The following PEBP4 variants were observed in gnomAD, a reference collection of about 807,000 sequenced individuals.
PEBP4 encodes phosphatidylethanolamine binding protein 4, also known as phosphatidylethanolamine-binding protein 4.
PEBP4 carries 22 observed loss-of-function variants against 23.9 expected under a neutral mutation model. That is an observed-to-expected ratio of 0.92 (90% CI 0.66 to 1.31). The LOEUF (loss-of-function observed/expected upper bound fraction) is 1.31. Among genes scored for constraint, PEBP4 ranks in the 40% most tolerant of loss-of-function variants. PEBP4 has a pLI of 0.00. For synonymous variants in PEBP4, 112 were observed against 99.3 expected (o/e 1.13, Z -0.76); for missense variants, 324 against 281.7 (o/e 1.15, Z -1.07).
chr8:22,849,728 T>C (rs556787577), intron 3 of PEBP4, among the ~76,000 whole-genome samples: 1 of 152,210 alleles, frequency 6.6e-6, no homozygotes, highest in Non-Finnish European at 1.5e-5. Context: ...TTACTACAAC[T>C]CTTCACTCTT....
rs1807877225 is a variant in PEBP4, at chr8:22,865,594, C to T, written c.259-47859G>A. Reference sequence around the variant, plus strand: ...GGGGAAGGAATTCCCTCCGCCCGGGCGCACGCGGCCCCCCGCCCCCGCCCC... The same window carrying T: ...GGGGAAGGAATTCCCTCCGCCCGGGTGCACGCGGCCCCCCGCCCCCGCCCC... On this transcript the variant is annotated intron_variant, in intron 3 of 6. Transcript: ENST00000256404. This position sits in a 1 kb window ranked among gnomAD's most constrained non-coding sequence, Gnocchi z 6.9. Among the ~76,000 whole-genome samples the T allele has an allele frequency of 6.6e-6, 1 of 152,170 alleles. No individual in the cohort carries two copies. Among genetic ancestry groups the T allele is most frequent in the South Asian group, 2.1e-4 (1 of 4,830 alleles).
At chr8:22,900,230 G>A (rs1808684955) in intron 3 of PEBP4, among the ~76,000 whole-genome samples, 1 of 152,194 alleles carries the variant, frequency 6.6e-6, no homozygotes, top group Non-Finnish European at 1.5e-5. Context: ...TTAAGAATGG[G>A]GAAGGGTTGG....
chr8:22,884,408 CT>C (rs1408219429), intron 3 of PEBP4: 1 of 152,256 alleles, frequency 6.6e-6, no homozygotes, highest in Non-Finnish European at 1.5e-5. Context: ...ATAGCACTGT[CT>C]TTGCTGCTGA....
chr8:22,767,179 C>T (rs536316338), intron 4 of PEBP4, among the ~76,000 whole-genome samples: 2 of 152,340 alleles, frequency 1.3e-5, no homozygotes, highest in South Asian at 2.1e-4. Flanking sequence ...AGCGAAGCTC[C>T]GGTGGGAAGC....
At chr8:22,907,003 G>A (rs980711729) in intron 3 of PEBP4, among the ~76,000 whole-genome samples, 1 of 152,248 alleles carries the variant, frequency 6.6e-6, no homozygotes, top group Non-Finnish European at 1.5e-5. Flanking sequence ...TCTCTGGGCT[G>A]TCAGAGCTAG....
chr8:22,929,117 C>CT (rs1809413268), upstream of PEBP4, among the ~76,000 whole-genome samples: 1 of 152,228 alleles, frequency 6.6e-6, no homozygotes, highest in Non-Finnish European at 1.5e-5. Flanking sequence ...ATGAAATCAA[C>CT]CAGGTTAAGC....
intron 4 of PEBP4, among the ~76,000 whole-genome samples, chr8:22,809,904 C>T (rs1268935155): frequency 6.6e-6 from 1 of 152,238 alleles, no homozygotes. Flanking sequence ...TTACAGGTCA[C>T]CTGCACCAGC....
intron 3 of PEBP4, among the ~76,000 whole-genome samples, chr8:22,871,802 T>C (rs554981837): frequency 6.7e-6 from 1 of 150,216 alleles, no homozygotes; most frequent in South Asian, 2.1e-4. Flanking sequence ...TCCACCCGCC[T>C]CGGCCTCCCA....
At chr8:22,826,703 A>G (rs552775286) in intron 3 of PEBP4, among the ~76,000 whole-genome samples, 2 of 152,326 alleles carry the variant, frequency 1.3e-5, no homozygotes, top group East Asian at 3.9e-4. Flanking sequence ...AAAATAAGAT[A>G]TTTCTTCACA....
At chr8:22,896,490 C>A (rs1808592420) in intron 3 of PEBP4, among the ~76,000 whole-genome samples, 1 of 152,196 alleles carries the variant, frequency 6.6e-6, no homozygotes. Flanking sequence ...TCTTGAGGCT[C>A]ACTCAGGCGC....
intron 3 of PEBP4, 75 bp downstream of exon 3, chr8:22,920,109 C>T (rs1809167444): frequency 6.4e-7 from 1 of 1,557,672 alleles, no homozygotes; most frequent in South Asian, 1.2e-5. Flanking sequence ...CTTCAAGTCA[C>T]CCAGATGAGC....
chr8:22,858,516 C>G (rs780376953), intron 3 of PEBP4, among the ~76,000 whole-genome samples: 2 of 152,188 alleles, frequency 1.3e-5, no homozygotes, highest in Non-Finnish European at 2.9e-5. Flanking sequence ...ACTCAGATTT[C>G]AAAGTATGGC....
At chr8:22,787,638 G>A (rs1295591690) in intron 4 of PEBP4, among the ~76,000 whole-genome samples, 1 of 152,192 alleles carries the variant, frequency 6.6e-6, no homozygotes, top group Admixed American at 6.5e-5. Context: ...ACACTTGTTG[G>A]GGGTAAGGCC....
At chr8:22,733,547 A>G (rs914096141) in intron 4 of PEBP4, among the ~76,000 whole-genome samples, 1 of 151,908 alleles carries the variant, frequency 6.6e-6, no homozygotes, top group Non-Finnish European at 1.5e-5. Context: ...CCCTTCAATT[A>G]CCTGTAGGCA....
chr8:22,784,253 G>A (rs939378115), intron 4 of PEBP4, among the ~76,000 whole-genome samples: 1 of 152,198 alleles, frequency 6.6e-6, no homozygotes, highest in Non-Finnish European at 1.5e-5. Flanking sequence ...AGGGTGTCAG[G>A]GTTGAAGGAA....
intron 3 of PEBP4, among the ~76,000 whole-genome samples, chr8:22,900,161 T>C (rs1323919526): frequency 6.6e-6 from 1 of 152,148 alleles, no homozygotes; most frequent in Non-Finnish European, 1.5e-5. Context: ...TGACAGGCTC[T>C]CTAAATGTAA....
chr8:22,844,657 G>A (rs1325937030), intron 3 of PEBP4, among the ~76,000 whole-genome samples: 1 of 152,122 alleles, frequency 6.6e-6, no homozygotes, highest in African/African-American at 2.4e-5. Context: ...TCAGAAAGTT[G>A]GTTCTGTTGG....
chr8:22,754,263 G>T (rs1307994355), intron 4 of PEBP4, among the ~76,000 whole-genome samples: 1 of 152,136 alleles, frequency 6.6e-6, no homozygotes, highest in African/African-American at 2.4e-5. Context: ...AGTTGTGAAA[G>T]TCCCTGGGAT....
intron 3 of PEBP4, among the ~76,000 whole-genome samples, chr8:22,844,167 G>A (rs1360852092): frequency 1.3e-5 from 2 of 152,206 alleles, no homozygotes; most frequent in African/African-American, 2.4e-5. Context: ...AGAGAAAGAA[G>A]TTGCTATAAA....
Sources: allele counts gnomAD v4.1 joint callset (sites outside exome capture counted in the v4.1 genomes callset), GRCh38; gene constraint gnomAD v4.1.1; non-coding constraint Gnocchi (gnomAD v3.1); transcripts MANE v1.5; gene names NCBI Gene and HGNC (gene_info 2026-07-23, HGNC 2026-07-21).